DPP6: variants seen among roughly 807,000 people sequenced by gnomAD.
DPP6 encodes the protein A-type potassium channel modulatory protein DPP6.
DPP6 carries 69 observed loss-of-function variants against 122.6 expected under a neutral mutation model. The ratio of observed to expected loss-of-function variants is 0.56; its 90% confidence interval spans 0.46 to 0.69. The LOEUF is 0.69. Among genes scored for constraint, DPP6 ranks in the 30% least tolerant of loss-of-function variants. The probability of loss-of-function intolerance (pLI) is 0.00; values close to 1 mark genes in which losing one functional copy is unlikely to be tolerated. For missense variants in DPP6, 928 were observed against 1,116.9 expected (o/e 0.83, Z 2.41); for synonymous variants, 418 against 433.1 (o/e 0.97, Z 0.43).
intron 5 of DPP6, among the ~76,000 whole-genome samples, chr7:154,611,365 A>G (rs1833899041): frequency 1.3e-5 from 2 of 152,158 alleles, no homozygotes; most frequent in South Asian, 4.1e-4. Context: ...TAGTGCTGAG[A>G]GAGGGGCACT....
At chr7:154,148,065 T>G (rs976091696) in intron 1 of DPP6, among the ~76,000 whole-genome samples, 2 of 149,074 alleles carry the variant, frequency 1.3e-5, no homozygotes, top group African/African-American at 5.2e-5. Flanking sequence ...GAGCGGACCG[T>G]GAAGGTGTCC....
intron 1 of DPP6, among the ~76,000 whole-genome samples, chr7:154,361,084 C>T (rs1811685157): frequency 6.6e-6 from 1 of 152,028 alleles, no homozygotes; most frequent in African/African-American, 2.4e-5. Flanking sequence ...TAGTAAGGTG[C>T]TGGATTCTGT....
chr7:153,880,795 C>T, the DPP6 span, among the ~76,000 whole-genome samples: 36 of 152,286 alleles, frequency 2.4e-4, no homozygotes, highest in Non-Finnish European at 4.1e-4. Flanking sequence ...AGAAGACCAA[C>T]GTGTTGTAAT....
chr7:153,887,625 G>A, exon 1 of DPP6: 6 of 1,599,042 alleles, frequency 3.8e-6, no homozygotes, highest in Non-Finnish European at 4.3e-6. Flanking sequence ...ATCCTCACCA[G>A]GACAATGGAT....
At chr7:154,232,490 G>A (rs1291981543) in intron 1 of DPP6, among the ~76,000 whole-genome samples, 1 of 152,340 alleles carries the variant, frequency 6.6e-6, no homozygotes, top group East Asian at 1.9e-4. Context: ...GATTGGAATG[G>A]TGTTAAGGGC....
chr7:154,381,375 A>G (rs773598645), intron 1 of DPP6, among the ~76,000 whole-genome samples: 5 of 152,228 alleles, frequency 3.3e-5, no homozygotes, highest in Non-Finnish European at 5.9e-5. Context: ...GCAATATCCC[A>G]TAATAAGAAA....
At chr7:154,551,338 T>C (rs1346710803) in intron 4 of DPP6, among the ~76,000 whole-genome samples, 1 of 152,178 alleles carries the variant, frequency 6.6e-6, no homozygotes, top group Non-Finnish European at 1.5e-5. Flanking sequence ...GGTGGCACTT[T>C]TTCCTTTCAG....
chr7:154,780,214 C>A (rs879368691), intron 10 of DPP6, among the ~76,000 whole-genome samples: 1 of 152,134 alleles, frequency 6.6e-6, no homozygotes, highest in Non-Finnish European at 1.5e-5. Flanking sequence ...AGAGAAATGC[C>A]GGATCTTTAC....
chr7:154,187,908 C>T (rs888062107), intron 1 of DPP6, among the ~76,000 whole-genome samples: 4 of 152,092 alleles, frequency 2.6e-5, no homozygotes, highest in African/African-American at 7.2e-5. Flanking sequence ...GGATGAGGCC[C>T]GGGATATCAA....
the DPP6 span, among the ~76,000 whole-genome samples, chr7:153,772,977 ATATAT>A: frequency 1.0e-5 from 1 of 96,538 alleles, no homozygotes; most frequent in African/African-American, 3.8e-5. Flanking sequence ...GAAAAGACTT[ATATAT>A]TATATAATAA....
At chr7:154,120,273 C>T (rs1326269318) in intron 1 of DPP6, among the ~76,000 whole-genome samples, 3 of 149,518 alleles carry the variant, frequency 2.0e-5, no homozygotes, top group Non-Finnish European at 4.4e-5. Flanking sequence ...GAGACAGAGT[C>T]TCGCTCTGTA....
At chr7:153,956,843 T>C (rs1802483272) in intron 1 of DPP6, among the ~76,000 whole-genome samples, 1 of 152,176 alleles carries the variant, frequency 6.6e-6, no homozygotes, top group South Asian at 2.1e-4. Flanking sequence ...AACTTCATTG[T>C]GCAACACCAT....
At chr7:154,840,831 G>C (rs180729215) in intron 16 of DPP6, among the ~76,000 whole-genome samples, 1 of 152,130 alleles carries the variant, frequency 6.6e-6, no homozygotes, top group South Asian at 2.1e-4. Context: ...TAGAGAATGC[G>C]CCGCCAACTC....
intron 1 of DPP6, among the ~76,000 whole-genome samples, chr7:154,302,156 A>G (rs1366813403): frequency 6.6e-6 from 1 of 152,118 alleles, no homozygotes; most frequent in Non-Finnish European, 1.5e-5. Flanking sequence ...TTGAGACTTT[A>G]TGCCTTTCAA....
chr7:154,167,612 G>A (rs1017675514), intron 1 of DPP6, among the ~76,000 whole-genome samples: 2 of 152,212 alleles, frequency 1.3e-5, no homozygotes, highest in Non-Finnish European at 2.9e-5. Context: ...CCCAGTATCT[G>A]CAGACCCTTC....
At chr7:154,071,716 G>T (rs1195648056) in intron 1 of DPP6, among the ~76,000 whole-genome samples, 3 of 152,180 alleles carry the variant, frequency 2.0e-5, no homozygotes, top group Admixed American at 6.5e-5. Context: ...ATTTTATTAT[G>T]TTGGATCCTG....
chr7:154,139,223 A>C (rs899541094), intron 1 of DPP6, among the ~76,000 whole-genome samples: 3 of 147,384 alleles, frequency 2.0e-5, no homozygotes, highest in Non-Finnish European at 3.0e-5. Flanking sequence ...GGAAGCTGGC[A>C]GTGTGGCTCA....
chr7:153,908,066 A>C (rs927200851), intron 1 of DPP6, among the ~76,000 whole-genome samples: 10 of 149,592 alleles, frequency 6.7e-5, no homozygotes, highest in African/African-American at 2.5e-4. Context: ...TTGAAAGAAG[A>C]CAACAAGAAT....
chr7:154,712,887 A>C (rs6971617), intron 7 of DPP6, among the ~76,000 whole-genome samples: 114,895 of 152,082 alleles, frequency 0.76, 45,478 homozygotes, highest in Non-Finnish European at 0.88. Context: ...GCCCTTCCAA[A>C]AGTCCCCCAA....
Sources: gnomAD v4.1 joint callset for allele counts (sites outside exome capture counted in the v4.1 genomes callset) on GRCh38, gnomAD v4.1.1 for gene constraint, MANE v1.5 for transcripts, NCBI Gene and HGNC (gene_info 2026-07-23, HGNC 2026-07-21) for gene names.